CPNE5: variants seen among roughly 807,000 people sequenced by gnomAD.
CPNE5 encodes the protein copine-5.
Under a neutral mutation model 81.1 loss-of-function variants are expected in CPNE5, and 42 were observed. That is an observed-to-expected ratio of 0.52 (90% CI 0.40 to 0.67). The LOEUF (loss-of-function observed/expected upper bound fraction) is 0.67. Ranked by LOEUF, CPNE5 falls within the 30% of genes least tolerant of loss-of-function variation. CPNE5 has a pLI of 0.00. For missense variants in CPNE5, 612 were observed against 815.5 expected (o/e 0.75, Z 3.04); for synonymous variants, 313 against 321.5 (o/e 0.97, Z 0.28).
intron 10 of CPNE5, among the ~76,000 whole-genome samples, chr6:36,770,579 G>T (rs916304): frequency 6.6e-6 from 1 of 151,502 alleles, no homozygotes; most frequent in African/African-American, 2.4e-5. Flanking sequence ...TGACCGTGCC[G>T]CCCTCCTCTT....
rs1421885709 is a variant in CPNE5, at chr6:36,774,241, C to T, written c.737+720G>A. Among the ~76,000 whole-genome samples the T allele has an allele frequency of 4.6e-5, 7 of 151,896 alleles. No individual in the cohort carries two copies. The East Asian group carries it at 9.6e-4, about 21-fold the overall frequency. On this transcript the variant is annotated intron_variant, in intron 10 of 20. Transcript: ENST00000244751. Reference sequence around the variant, plus strand: ...CTACAAAAATAAAAAATTAGCTGGGCGTGGTGGTAGGTGCCTGTAGTCCCA... The same window carrying T: ...CTACAAAAATAAAAAATTAGCTGGGTGTGGTGGTAGGTGCCTGTAGTCCCA...
intron 9 of CPNE5, among the ~76,000 whole-genome samples, chr6:36,777,768 A>G (rs956724102): frequency 2.4e-4 from 1 of 4,206 alleles, no homozygotes; most frequent in Non-Finnish European, 7.1e-4. Context: ...CCCCCCCACC[A>G]CACACACACA....
At chr6:36,767,971 A>G (rs1158570820) in intron 10 of CPNE5, among the ~76,000 whole-genome samples, 1 of 152,186 alleles carries the variant, frequency 6.6e-6, no homozygotes, top group East Asian at 1.9e-4. Flanking sequence ...CAAGCTGGGC[A>G]TGGGAATTGT....
chr6:36,794,592 G>T lies in CPNE5; in HGVS notation c.462C>A (p.Asn154Lys), dbSNP rs371784051. ...RTGKPMPAVSNGGVPGKKCGT... is the reference protein window; with the variant it reads ...RTGKPMPAVSKGGVPGKKCGT... Reference sequence around the variant, plus strand: ...GCCAGAGATGTCTGGCAACGTACCCGTTGGACACAGCTGGCATGGGTTTGC... The same window carrying T: ...GCCAGAGATGTCTGGCAACGTACCCTTTGGACACAGCTGGCATGGGTTTGC... Residue 154 changes from asparagine to lysine, a missense_variant and splice_region_variant, in exon 7 of 21, where the codon AAC becomes AAA. Transcript: ENST00000244751. 4 of 1,613,918 alleles carry T rather than the reference G, an allele frequency of 2.5e-6. No individual in the cohort carries two copies. In the Admixed American group the frequency reaches 5.0e-5, roughly 20 times the overall value.
At position 36,741,331 on chromosome 6, in the gene CPNE5, G is replaced by C. The variant is rs576770714; in HGVS notation, c.*937C>G. ...GAGGCCCAAAAGGTAGAAGGGCCTT[G>C]CTTGGGTTCCCACATTAGGCAGTGG... On this transcript the variant is annotated 3_prime_UTR_variant, in exon 21 of 21. Transcript: ENST00000244751. 6.6e-6 allele frequency: 1 copy of C among 151,302 alleles called. No homozygotes were observed. Among genetic ancestry groups the C allele is most frequent in the African/African-American group, 2.4e-5 (1 of 41,516 alleles). 9.4% of individuals were successfully genotyped at this position (151,302 alleles called of 1,614,324 possible). A position where few individuals can be genotyped will look rare whatever the true frequency, so the allele number is the denominator to read the frequency against.
chr6:36,835,916 C>T (rs1350065615), intron 1 of CPNE5, among the ~76,000 whole-genome samples: 3 of 152,026 alleles, frequency 2.0e-5, no homozygotes, highest in African/African-American at 7.2e-5. Flanking sequence ...AAATAAGCAA[C>T]AACATCAGTC....
intron 3 of CPNE5, among the ~76,000 whole-genome samples, chr6:36,816,077 C>G (rs1771521463): frequency 2.0e-5 from 3 of 152,210 alleles, no homozygotes; most frequent in African/African-American, 7.2e-5. Context: ...CTTAGTTAGT[C>G]TACCCACGAA....
At chr6:36,802,117 G>A (rs1447147336) in intron 3 of CPNE5, among the ~76,000 whole-genome samples, 4 of 150,674 alleles carry the variant, frequency 2.7e-5, no homozygotes, top group African/African-American at 9.8e-5. Flanking sequence ...TACTCAGGAG[G>A]CTGAAGCAGG....
At chr6:36,794,852 C>G (rs1292600286) in intron 6 of CPNE5, among the ~76,000 whole-genome samples, 1 of 152,154 alleles carries the variant, frequency 6.6e-6, no homozygotes, top group African/African-American at 2.4e-5. Flanking sequence ...AGGTGGGATG[C>G]CCAGACCAGC....
In CPNE5 at chr6:36,753,008, A is replaced by C. The variant is rs200412552; in HGVS notation, c.971+26T>G. 9 of 1,593,916 alleles carry C rather than the reference A, an allele frequency of 5.6e-6. 1 individual carries two copies. Among genetic ancestry groups the C allele is most frequent in the Non-Finnish European group, 7.7e-6 (9 of 1,162,804 alleles). ...GGCCCTTTCCCTCTCCCCAAGGCCC[A>C]TGAAATTGGCTGTATCTCTTCTCAC... On this transcript the variant is annotated intron_variant, in intron 14 of 20. Transcript: ENST00000244751.
intron 10 of CPNE5, among the ~76,000 whole-genome samples, chr6:36,769,503 T>G (rs1384761917): frequency 6.6e-6 from 1 of 152,244 alleles, no homozygotes; most frequent in Non-Finnish European, 1.5e-5. Context: ...TGCCTCCTAA[T>G]GAGCCTCTGC....
Position 36,822,206 on chromosome 6 carries a change from G to A in CPNE5, c.137-46C>T, listed in dbSNP as rs143145971. On this transcript the variant is annotated intron_variant, in intron 2 of 20. Transcript: ENST00000244751. ...GTGGATTAATACCTCAGGCCAAGAG[G>A]AAGGAGGGGTCCCAGATGAAAAGGA... The A allele has an allele frequency of 9.5e-3, 13,521 of 1,426,328 alleles. 87 individuals are homozygous for A. Among genetic ancestry groups the A allele is most frequent in the Non-Finnish European group, 0.012 (12,461 of 1,065,636 alleles). The allele number at this position is 1,426,328 out of a possible 1,614,324, so 88.4% of individuals were successfully genotyped here. A position where few individuals can be genotyped will look rare whatever the true frequency, so the allele number is the denominator to read the frequency against.
Position 36,746,473 on chromosome 6 carries a change from T to C in CPNE5, c.1123A>G (p.Ser375Gly), listed in dbSNP as rs1228729154. The change falls in exon 16 of 21, where the codon AGT becomes GGT. Residue 375 changes from serine to glycine, a missense_variant. Coordinates refer to ENST00000244751, the MANE Select transcript of CPNE5 (RefSeq NM_020939.2). This position sits in a 1 kb window ranked among gnomAD's most constrained non-coding sequence, Gnocchi z 4.5. ...CCCAGGGCAGGGAACATCTTGTCAC[T>C]GTCGTAGTGCTGGATGATCTCTCCG... The part of the protein sequence containing the change: ...AVGEIIQHYD[S>G]DKMFPALGFG... 4 of 1,613,496 alleles carry C rather than the reference T, an allele frequency of 2.5e-6. No individual in the cohort carries two copies. Among genetic ancestry groups the C allele is most frequent in the Non-Finnish European group, 3.4e-6 (4 of 1,179,752 alleles).
intron 7 of CPNE5, among the ~76,000 whole-genome samples, chr6:36,793,738 G>A (rs563190537): frequency 1.3e-5 from 2 of 152,208 alleles, no homozygotes; most frequent in Admixed American, 1.3e-4. Context: ...CGGGCCCGCC[G>A]GAGGCCCCTT....
At chr6:36,828,857 TC>T (rs1485981087) in intron 1 of CPNE5, among the ~76,000 whole-genome samples, 2 of 152,330 alleles carry the variant, frequency 1.3e-5, no homozygotes, top group East Asian at 1.9e-4. Flanking sequence ...CCCAACTCTG[TC>T]CCTTACTTGC....
chr6:36,798,646 G>A, intron 4 of CPNE5, 152 bp from the exon 5 acceptor site: 1 of 690,886 alleles, frequency 1.4e-6, no homozygotes, highest in Non-Finnish European at 2.6e-6. Context: ...AGACATGACA[G>A]GGAGCCTTCT....
At chr6:36,752,538 A>T (rs1764962999) in intron 14 of CPNE5, 1 of 152,722 alleles carries the variant, frequency 6.5e-6, no homozygotes, top group Non-Finnish European at 1.5e-5. Flanking sequence ...GACAGATCAG[A>T]GGTGTCAGAA....
intron 4 of CPNE5, 145 bp downstream of exon 4, chr6:36,799,822 T>C (rs766629009): frequency 4.8e-6 from 3 of 627,496 alleles, no homozygotes; most frequent in Non-Finnish European, 8.6e-6. Flanking sequence ...TGCAGGCGAC[T>C]TCAGCTAATT....
intron 1 of CPNE5, chr6:36,838,893 T>C (rs531548497): frequency 1.0e-5 from 2 of 200,952 alleles, no homozygotes; most frequent in South Asian, 3.5e-4. Flanking sequence ...TGGACGAGCC[T>C]GGGAGGGATG....
Sources: allele counts gnomAD v4.1 joint callset (sites outside exome capture counted in the v4.1 genomes callset), GRCh38; gene constraint gnomAD v4.1.1; non-coding constraint Gnocchi (gnomAD v3.1); transcripts MANE v1.5; gene names NCBI Gene and HGNC (gene_info 2026-07-23, HGNC 2026-07-21).